Variants in MRTFB observed in about 807,000 individuals in gnomAD.
MRTFB encodes the protein myocardin related transcription factor B.
MRTFB carries 29 observed loss-of-function variants against 104.2 expected under a neutral mutation model. The observed-to-expected ratio is 0.28, with a 90% confidence interval of 0.21 to 0.38. The LOEUF (loss-of-function observed/expected upper bound fraction) is 0.38. Among genes scored for constraint, MRTFB ranks in the 10% least tolerant of loss-of-function variants. The probability of loss-of-function intolerance (pLI) is 1.00; values close to 1 mark genes in which losing one functional copy is unlikely to be tolerated. For missense variants in MRTFB, 1,270 were observed against 1,341.6 expected, an observed-to-expected ratio of 0.95 and a Z score of 0.83; for synonymous variants, 535 against 519.5, an observed-to-expected ratio of 1.03 and a Z score of -0.41.
At chr16:14,154,342 A>C (rs2038744125) in intron 3 of MRTFB, among the ~76,000 whole-genome samples, 1 of 152,186 alleles carries the variant, frequency 6.6e-6, no homozygotes, top group Non-Finnish European at 1.5e-5. Context: ...CCGTTTTTGA[A>C]AAATTTTTTA....
At position 14,162,152 on chromosome 16, in the gene MRTFB, C is replaced by CAAAAAA. The variant is rs376183467; in HGVS notation, c.154+21409_154+21414dup. On this transcript the variant is annotated intron_variant, in intron 3 of 16. Coordinates refer to ENST00000571589, the MANE Select transcript of MRTFB (RefSeq NM_001308142.2). ...GCAACATAGGGAGACCCTGTCTCTA[C>CAAAAAA]AAAAAAAAAAAAAAAAAAAAAATTA... Among the ~76,000 whole-genome samples, 117 of 62,680 alleles carry CAAAAAA rather than the reference C, an allele frequency of 1.9e-3. 3 individuals are homozygous for CAAAAAA. Among genetic ancestry groups the CAAAAAA allele is most frequent in the Middle Eastern group, 0.01 (1 of 98 alleles). The allele number at this position is 62,680 out of a possible 152,430, so 41.1% of individuals were successfully genotyped here.
intron 12 of MRTFB, 108 bp downstream of exon 12, chr16:14,247,615 AC>A: frequency 1.0e-6 from 1 of 1,003,026 alleles, no homozygotes; most frequent in Non-Finnish European, 1.4e-6. Flanking sequence ...TCCAGAGCAG[AC>A]CCCACGGAGA....
chr16:14,135,391 T>A (rs181059653), intron 2 of MRTFB, among the ~76,000 whole-genome samples: 3 of 152,376 alleles, frequency 2.0e-5, no homozygotes, highest in Admixed American at 2.0e-4. Flanking sequence ...GAGACACACA[T>A]ACTTACCATT....
the MRTFB span, among the ~76,000 whole-genome samples, chr16:14,057,838 G>C: frequency 2.0e-5 from 3 of 152,224 alleles, no homozygotes; most frequent in African/African-American, 7.2e-5. Flanking sequence ...AAACTAAAGA[G>C]TCCAACTCTG....
At chr16:14,085,170 T>C (rs2034622171) in intron 2 of MRTFB, among the ~76,000 whole-genome samples, 1 of 152,012 alleles carries the variant, frequency 6.6e-6, no homozygotes, top group South Asian at 2.1e-4. Context: ...AAAATACATC[T>C]TCTGGCCAGG....
intron 13 of MRTFB, among the ~76,000 whole-genome samples, chr16:14,250,762 T>A (rs16963597): frequency 0.021 from 3,243 of 152,136 alleles, 109 homozygotes; most frequent in African/African-American, 0.074. Context: ...AGAATCCCTG[T>A]GATAGATAGT....
chr16:14,248,029 G>C (rs1389624438), intron 12 of MRTFB: 1 of 153,256 alleles, frequency 6.5e-6, no homozygotes, highest in South Asian at 2.1e-4. Context: ...CTTATATTCT[G>C]CCTCCCACAT....
At chr16:14,028,689 C>A in the MRTFB span, among the ~76,000 whole-genome samples, 1 of 152,218 alleles carries the variant, frequency 6.6e-6, no homozygotes, top group Non-Finnish European at 1.5e-5. Context: ...CCAACCGCAA[C>A]TTCCTAGTTG....
At chr16:14,119,922 A>C (rs1426546374) in intron 2 of MRTFB, among the ~76,000 whole-genome samples, 1 of 152,118 alleles carries the variant, frequency 6.6e-6, no homozygotes, top group Non-Finnish European at 1.5e-5. Flanking sequence ...ATCATTCTCC[A>C]GAGCAGCTTT....
the MRTFB span, among the ~76,000 whole-genome samples, chr16:14,057,831 C>T: frequency 6.6e-6 from 1 of 152,182 alleles, no homozygotes; most frequent in African/African-American, 2.4e-5. Flanking sequence ...TTATTCAAAA[C>T]TAAAGAGTCC....
chr16:14,103,082 T>C (rs1654833671), intron 2 of MRTFB, among the ~76,000 whole-genome samples: 1 of 152,204 alleles, frequency 6.6e-6, no homozygotes, highest in Non-Finnish European at 1.5e-5. Flanking sequence ...GGGATCCCTT[T>C]GCTGATCCTT....
the MRTFB span, among the ~76,000 whole-genome samples, chr16:14,002,429 T>C: frequency 4.7e-5 from 7 of 149,740 alleles, no homozygotes; most frequent in African/African-American, 9.8e-5. Context: ...GAGGTGTTAA[T>C]GACCTAGGCT....
At chr16:14,081,367 A>G (rs1240916126) in intron 2 of MRTFB, among the ~76,000 whole-genome samples, 1 of 145,082 alleles carries the variant, frequency 6.9e-6, no homozygotes, top group Non-Finnish European at 1.5e-5. Flanking sequence ...ATCTTGGCTC[A>G]CTGCAACCTC....
At chr16:14,253,780 G>A (rs182885790) in intron 15 of MRTFB, among the ~76,000 whole-genome samples, 124 of 152,292 alleles carry the variant, frequency 8.1e-4, no homozygotes, top group Non-Finnish European at 9.6e-4. Context: ...ACGTAACTTT[G>A]AGTTGTAAGA....
chr16:14,203,269 T>C (rs1302071295), intron 3 of MRTFB, among the ~76,000 whole-genome samples: 3 of 152,080 alleles, frequency 2.0e-5, no homozygotes, highest in Non-Finnish European at 4.4e-5. Flanking sequence ...CTCTCCCCTT[T>C]CCCACCCTCC....
chr16:14,232,775 T>C (rs2042322424), intron 8 of MRTFB, among the ~76,000 whole-genome samples: 2 of 152,232 alleles, frequency 1.3e-5, no homozygotes, highest in South Asian at 2.1e-4. Context: ...TTGTTTGAGT[T>C]AACTAGTATG....
At chr16:14,186,612 A>AGGGAAAGGGGGCTGGCT in intron 3 of MRTFB, 1 of 934,694 alleles carries the variant, frequency 1.1e-6, no homozygotes, top group Non-Finnish European at 1.4e-6. Context: ...TGGAATGGCA[A>AGGGAAAGGGGGCTGGCT]GGGAAAGGGG....
At chr16:14,154,169 C>CA (rs1462726877) in intron 3 of MRTFB, among the ~76,000 whole-genome samples, 1 of 152,012 alleles carries the variant, frequency 6.6e-6, no homozygotes. Flanking sequence ...CCTGTCTCTA[C>CA]AAAAAAATTT....
At chr16:14,191,667 A>C (rs1354326896) in intron 3 of MRTFB, among the ~76,000 whole-genome samples, 2 of 152,284 alleles carry the variant, frequency 1.3e-5, no homozygotes, top group East Asian at 3.9e-4. Flanking sequence ...TCTTAAACAG[A>C]ATATAATAAT....
Sources: gnomAD v4.1 joint callset for allele counts (sites outside exome capture counted in the v4.1 genomes callset) on GRCh38, gnomAD v4.1.1 for gene constraint, MANE v1.5 for transcripts, NCBI Gene and HGNC (gene_info 2026-07-23, HGNC 2026-07-21) for gene names.